The following HUNK variants were observed in gnomAD, a reference collection of about 807,000 sequenced individuals.
The protein encoded by HUNK is hormonally up-regulated neu tumor-associated kinase.
In HUNK, 21 loss-of-function variants were observed where a neutral mutation model predicts 61.0. The ratio of observed to expected loss-of-function variants is 0.34; its 90% CI spans 0.24 to 0.50. The LOEUF (loss-of-function observed/expected upper bound fraction) is 0.50. Among genes scored for constraint, HUNK ranks in the 20% least tolerant of loss-of-function variants. HUNK has a pLI of 0.98. For synonymous variants in HUNK, 371 were observed against 386.1 expected (o/e 0.96, Z 0.46); for missense variants, 772 against 945.7 (o/e 0.82, Z 2.41).
At chr21:31,972,847 G>A (rs1357917781) in intron 6 of HUNK, among the ~76,000 whole-genome samples, 2 of 152,074 alleles carry the variant, frequency 1.3e-5, no homozygotes, top group African/African-American at 4.8e-5. Context: ...CAAAAGTAGT[G>A]GAGGGAGAAC....
chr21:31,942,515 T>C (rs1449932128), intron 3 of HUNK, among the ~76,000 whole-genome samples: 7 of 152,206 alleles, frequency 4.6e-5, no homozygotes, highest in Admixed American at 3.9e-4. Flanking sequence ...CACGGATTGG[T>C]TGAGTAATAG....
At chr21:31,887,562 C>T (rs1452535346) in intron 1 of HUNK, among the ~76,000 whole-genome samples, 1 of 149,688 alleles carries the variant, frequency 6.7e-6, no homozygotes, top group South Asian at 2.1e-4. Flanking sequence ...TATGTCCAAC[C>T]CCAAGGCTTT....
chr21:31,911,721 T>C (rs1051286269), intron 1 of HUNK, among the ~76,000 whole-genome samples: 4 of 151,858 alleles, frequency 2.6e-5, no homozygotes, highest in African/African-American at 9.7e-5. Context: ...GAATTAGACA[T>C]TGGCATGTCA....
At chr21:31,980,781 C>T (rs1183816922) in intron 7 of HUNK, among the ~76,000 whole-genome samples, 4 of 151,254 alleles carry the variant, frequency 2.6e-5, no homozygotes, top group South Asian at 4.2e-4. Flanking sequence ...CTCCATTCAT[C>T]GCAACCTCCG....
Position 32,000,566 on chromosome 21 carries a change from G to A in HUNK, c.*1382G>A, listed in dbSNP as rs1207889803. 5.0e-6 allele frequency: 2 copies of A among 399,040 alleles called. No homozygotes were observed. The highest frequency in any genetic ancestry group is 8.8e-6 in the Non-Finnish European group (2 of 226,138). 24.7% of individuals were successfully genotyped at this position (399,040 alleles called of 1,614,324 possible). On this transcript the variant is annotated 3_prime_UTR_variant, in exon 11 of 11. Transcript: ENST00000270112. ...AGGTTGGATAGGGGTTAGTGTAGGA[G>A]ACCAGTTACAGAATGGCCTGGAGTC...
intron 5 of HUNK, among the ~76,000 whole-genome samples, chr21:31,962,330 A>G (rs2052934787): frequency 1.3e-5 from 2 of 152,262 alleles, no homozygotes; most frequent in South Asian, 4.1e-4. Flanking sequence ...GTAACACAAG[A>G]AAATCAATCT....
intron 10 of HUNK, among the ~76,000 whole-genome samples, chr21:31,996,661 G>A (rs1033856100): frequency 6.6e-6 from 1 of 152,190 alleles, no homozygotes; most frequent in Non-Finnish European, 1.5e-5. Flanking sequence ...ATGAAGTAGA[G>A]GAGAGGTTCT....
At chr21:31,950,965 A>G (rs2052845432) in intron 4 of HUNK, among the ~76,000 whole-genome samples, 2 of 152,152 alleles carry the variant, frequency 1.3e-5, no homozygotes. Context: ...TCAGCCTGTC[A>G]TTGAAAGAAA....
chr21:31,967,317 C>T (rs920371333), intron 5 of HUNK, among the ~76,000 whole-genome samples: 1 of 152,108 alleles, frequency 6.6e-6, no homozygotes, highest in Non-Finnish European at 1.5e-5. Context: ...CACAACTGCA[C>T]TCCAGCCTGG....
intron 1 of HUNK, among the ~76,000 whole-genome samples, chr21:31,898,149 G>A (rs1383829228): frequency 6.6e-6 from 1 of 152,154 alleles, no homozygotes; most frequent in African/African-American, 2.4e-5. Flanking sequence ...GTCACACAGG[G>A]CAGTATTTCT....
Position 31,946,056 on chromosome 21 carries a change from G to A in HUNK, c.631G>A (p.Ala211Thr), listed in dbSNP as rs1014549869. Residue 211 changes from alanine to threonine, a missense_variant, in exon 4 of 11, where the codon GCA (alanine) becomes ACA (threonine). Coordinates refer to ENST00000270112, the MANE Select transcript of HUNK (RefSeq NM_014586.2). ...KLIDFGLSNC[A>T]GILGYSDPFS... is the part of the protein sequence containing the mutation. ...TGCAGACTTTGGTTTGAGCAACTGC[G>A]CAGGGATCCTGGGTTACTCGGATCC... 18 of 1,604,948 alleles carry A rather than the reference G, an allele frequency of 1.1e-5. No individual in the cohort carries two copies. Among genetic ancestry groups the A allele is most frequent in the African/African-American group, 5.4e-5 (4 of 74,736 alleles).
intron 1 of HUNK, among the ~76,000 whole-genome samples, chr21:31,884,236 C>T (rs57361892): frequency 0.034 from 5,146 of 150,104 alleles, 290 homozygotes; most frequent in African/African-American, 0.12. Context: ...TGAGATCTAC[C>T]CTCATGAATG....
chr21:31,998,824 C>G lies in HUNK; in HGVS notation c.1785C>G (p.Ser595Arg). The change falls in exon 11 of 11, where the codon AGC becomes AGG. Residue 595 changes from serine to arginine, a missense_variant. Ser to Arg is a moderately radical substitution (Grantham distance 110). This residue lies in a region of HUNK where 413 missense variants were observed against 444.4 expected (regional missense o/e 0.93). Coordinates refer to ENST00000270112, the MANE Select transcript of HUNK (RefSeq NM_014586.2). The stretch of plus-strand genomic sequence containing the variant: ...TCAGCTTGGCTCGCAGAAATTCCAG[C>G]GAGAGGACGCTGTCCCCGGGTCTGC... ...SPVSLARRNSSERTLSPGLPS... is the reference protein window; with the variant it reads ...SPVSLARRNSRERTLSPGLPS... The G allele has an allele frequency of 6.2e-7, 1 of 1,614,152 alleles. No individual in the cohort carries two copies. Among genetic ancestry groups the G allele is most frequent in the Non-Finnish European group, 8.5e-7 (1 of 1,180,026 alleles).
intron 1 of HUNK, among the ~76,000 whole-genome samples, chr21:31,919,503 C>G (rs1340283405): frequency 1.3e-5 from 2 of 152,210 alleles, no homozygotes; most frequent in African/African-American, 2.4e-5. Context: ...AATCGTACGG[C>G]TGTGATAATG....
At chr21:31,901,904 A>G (rs2052470615) in intron 1 of HUNK, among the ~76,000 whole-genome samples, 1 of 152,146 alleles carries the variant, frequency 6.6e-6, no homozygotes, top group Admixed American at 6.5e-5. Context: ...GGCCTCAACC[A>G]GGTCATACCA....
intron 2 of HUNK, among the ~76,000 whole-genome samples, chr21:31,937,108 T>C (rs1185348172): frequency 6.6e-6 from 1 of 152,228 alleles, no homozygotes; most frequent in Non-Finnish European, 1.5e-5. Flanking sequence ...GTTTCGGAAT[T>C]ACTGTTTATG....
chr21:31,963,836 C>T (rs534371645), intron 5 of HUNK, among the ~76,000 whole-genome samples: 4 of 152,286 alleles, frequency 2.6e-5, no homozygotes, highest in East Asian at 1.9e-4. Context: ...ATTAATTCTT[C>T]GGCTCTTTTT....
At chr21:31,994,304 G>A (rs943963237) in intron 9 of HUNK, among the ~76,000 whole-genome samples, 4 of 152,176 alleles carry the variant, frequency 2.6e-5, no homozygotes, top group Admixed American at 6.5e-5. Context: ...CACTTGCCAC[G>A]AGGCTCAGCA....
In HUNK at chr21:31,995,813, C is replaced by T. The variant is rs765288551; in HGVS notation, c.1351C>T (p.Arg451Ter). ...AGAAAAAAGAGGGGATTTTCTTCATCGACCATTCTCCAAGAAGTTGGACAA... is the reference window on the plus strand; with the variant it reads ...AGAAAAAAGAGGGGATTTTCTTCATTGACCATTCTCCAAGAAGTTGGACAA... ...EQEKRGDFLHRPFSKKLDKNL... is the reference protein window; with the variant it reads ...EQEKRGDFLH Residue 451 changes from arginine to a stop codon, truncating the protein, a stop_gained, in exon 10 of 11, where the codon CGA becomes TGA. Transcript: ENST00000270112. LOFTEE classifies it high-confidence loss of function. The T allele has an allele frequency of 6.2e-6, 10 of 1,614,128 alleles. No individual in the cohort carries two copies. Among genetic ancestry groups the T allele is most frequent in the Non-Finnish European group, 6.8e-6 (8 of 1,179,990 alleles).
Sources: gnomAD v4.1 joint callset for allele counts (sites outside exome capture counted in the v4.1 genomes callset) on GRCh38, gnomAD v4.1.1 for gene constraint, gnomAD v4.1.1 regional missense constraint, MANE v1.5 for transcripts, NCBI Gene and HGNC (gene_info 2026-07-23, HGNC 2026-07-21) for gene names.